ZNF254: variants seen among roughly 807,000 people sequenced by gnomAD.
The protein encoded by ZNF254 is zinc finger protein 254.
A neutral mutation model predicts 12.4 loss-of-function variants in ZNF254; 10 were observed. The observed-to-expected ratio is 0.80, with a 90% CI of 0.50 to 1.36. ZNF254 has a LOEUF of 1.36. ZNF254 is among the 40% of genes most tolerant of loss of function. The pLI is 0.00. For synonymous variants in ZNF254, 305 were observed against 253.4 expected, an observed-to-expected ratio of 1.20 and a Z score of -1.93; for missense variants, 996 against 763.9, an observed-to-expected ratio of 1.30 and a Z score of -3.58.
chr19:24,104,522 A>G (rs570727118), intron 1 of ZNF254: 10 of 152,108 alleles, frequency 6.6e-5, no homozygotes, highest in African/African-American at 2.4e-4. Flanking sequence ...GTACTTGCAA[A>G]TCTTCACTTC....
chr19:24,116,560 C>T (rs1232554773), intron 3 of ZNF254, among the ~76,000 whole-genome samples: 6 of 152,040 alleles, frequency 3.9e-5, no homozygotes, highest in Non-Finnish European at 7.4e-5. Context: ...CTCCTTTAAG[C>T]ACTTCTCTAT....
At chr19:24,048,587 A>G (rs935659335) in intron 2 of ZNF254, among the ~76,000 whole-genome samples, 5 of 152,134 alleles carry the variant, frequency 3.3e-5, no homozygotes, top group African/African-American at 1.2e-4. Context: ...TTGGCCTCCC[A>G]AATAGCTGGG....
chr19:24,036,772 G>A (rs1969982250), intron 1 of ZNF254, among the ~76,000 whole-genome samples: 1 of 152,174 alleles, frequency 6.6e-6, no homozygotes, highest in Non-Finnish European at 1.5e-5. Context: ...AAAGGGGACT[G>A]AGGGCTTGGA....
chr19:24,097,211 A>G (rs1269098629), intron 1 of ZNF254, among the ~76,000 whole-genome samples: 1 of 152,174 alleles, frequency 6.6e-6, no homozygotes, highest in Non-Finnish European at 1.5e-5. Context: ...TATTCTTATG[A>G]TAGTCTTTTA....
intron 1 of ZNF254, among the ~76,000 whole-genome samples, chr19:24,094,384 C>T (rs1227888676): frequency 6.6e-6 from 1 of 152,030 alleles, no homozygotes; most frequent in Non-Finnish European, 1.5e-5. Flanking sequence ...CCTCAGCCTC[C>T]TGAGTAGCTG....
rs999303566 is a variant in ZNF254, at chr19:24,129,569, A to G, written c.*1589A>G. On this transcript the variant is annotated 3_prime_UTR_variant, in exon 4 of 4. Coordinates refer to ENST00000357002, the MANE Select transcript of ZNF254 (RefSeq NM_203282.4). ...TTCACATTTAAATTTATTTTTCTTAATTTTTGTGGATACATAATATGTGTA... is the reference window on the plus strand; with the variant it reads ...TTCACATTTAAATTTATTTTTCTTAGTTTTTGTGGATACATAATATGTGTA... 3 of 151,856 alleles carry G rather than the reference A, an allele frequency of 2.0e-5. No homozygotes were observed. The highest frequency in any genetic ancestry group is 7.2e-5 in the African/African-American group (3 of 41,402). The allele number at this position is 151,856 out of a possible 1,614,324, so 9.4% of individuals were successfully genotyped here.
chr19:24,088,024 T>C (rs1300417681), intron 1 of ZNF254, among the ~76,000 whole-genome samples: 3 of 149,450 alleles, frequency 2.0e-5, no homozygotes, highest in Non-Finnish European at 4.5e-5. Context: ...CAAGCGATTC[T>C]CCTGCCTCAG....
At chr19:24,063,646 G>C (rs1971160058) in intron 2 of ZNF254, among the ~76,000 whole-genome samples, 2 of 152,174 alleles carry the variant, frequency 1.3e-5, no homozygotes, top group Admixed American at 1.3e-4. Context: ...TACTTTTCCT[G>C]CCTGTCCCTA....
At chr19:24,045,776 TCA>T (rs1053317369) in intron 1 of ZNF254, among the ~76,000 whole-genome samples, 21 of 152,092 alleles carry the variant, frequency 1.4e-4, no homozygotes, top group African/African-American at 4.1e-4. Flanking sequence ...TGAATTAGTC[TCA>T]GAGTGTGGTG....
chr19:24,102,952 G>T (rs569377174), intron 1 of ZNF254, among the ~76,000 whole-genome samples: 1 of 152,164 alleles, frequency 6.6e-6, no homozygotes, highest in East Asian at 1.9e-4. Context: ...CTAAATCCTT[G>T]GATTTATTGG....
At chr19:24,081,479 T>TA (rs1415059178) in intron 2 of ZNF254, among the ~76,000 whole-genome samples, 2 of 152,146 alleles carry the variant, frequency 1.3e-5, no homozygotes, top group Non-Finnish European at 2.9e-5. Context: ...TGCTAATCAA[T>TA]AAAAAATAGT....
chr19:24,083,845 C>G (rs1006041201), upstream of ZNF254, among the ~76,000 whole-genome samples: 1 of 151,972 alleles, frequency 6.6e-6, no homozygotes, highest in Non-Finnish European at 1.5e-5. Context: ...AATGCATGTT[C>G]GCATGGTTTT....
At position 24,129,517 on chromosome 19, in the gene ZNF254, C is replaced by A. The variant is rs138623258; in HGVS notation, c.*1537C>A. 6.6e-6 allele frequency: 1 copy of A among 151,788 alleles called. No individual in the cohort carries two copies. The highest frequency in any genetic ancestry group is 2.4e-5 in the African/African-American group (1 of 41,460). 9.4% of individuals were successfully genotyped at this position (151,788 alleles called of 1,614,324 possible). On this transcript the variant is annotated 3_prime_UTR_variant, in exon 4 of 4. Coordinates refer to ENST00000357002, the MANE Select transcript of ZNF254 (RefSeq NM_203282.4). ...TGCCAATAAGTTAAAGAATATTGTTCCTATGGGTTAAATTTTTATTCTTAT... is the reference window on the plus strand; with the variant it reads ...TGCCAATAAGTTAAAGAATATTGTTACTATGGGTTAAATTTTTATTCTTAT...
chr19:24,105,883 T>A (rs1229428924), intron 1 of ZNF254, 57 bp from the exon 2 acceptor site: 9 of 1,551,456 alleles, frequency 5.8e-6, no homozygotes, highest in Non-Finnish European at 7.0e-6. Flanking sequence ...TTGAGTCAAA[T>A]GAAAAATTCT....
chr19:24,052,402 G>A (rs1568428150), intron 2 of ZNF254, among the ~76,000 whole-genome samples: 1 of 152,092 alleles, frequency 6.6e-6, no homozygotes, highest in African/African-American at 2.4e-5. Flanking sequence ...CCATGAAATC[G>A]GAGGCTTCTG....
chr19:24,100,799 C>G lies in ZNF254; in HGVS notation c.31-5141C>G, dbSNP rs529134515. On this transcript the variant is annotated intron_variant, in intron 1 of 3. Coordinates refer to ENST00000357002, the MANE Select transcript of ZNF254 (RefSeq NM_203282.4). ...AATACTTAAGCTTGGCCCAAATAAA[C>G]TGTCTACTTATATTCATGTTGTGTC... 1.4e-4 allele frequency among the ~76,000 whole-genome samples: 21 copies of G among 148,046 alleles called. No homozygotes were observed. The East Asian group carries it at 4.1e-3, about 29-fold the overall frequency.
At chr19:24,084,512 T>C (rs2145602780), upstream of ZNF254, among the ~76,000 whole-genome samples, 2 of 152,040 alleles carry the variant, frequency 1.3e-5, no homozygotes, top group East Asian at 1.9e-4. Flanking sequence ...AAAGAACTTA[T>C]CCATGTATCC....
upstream of ZNF254, among the ~76,000 whole-genome samples, chr19:24,086,174 T>C (rs964440360): frequency 1.3e-5 from 2 of 151,902 alleles, no homozygotes; most frequent in Admixed American, 6.6e-5. Context: ...GCCACTGTAC[T>C]CCAGCTTGGG....
intron 2 of ZNF254, among the ~76,000 whole-genome samples, chr19:24,076,955 A>G (rs538548838): frequency 6.6e-6 from 1 of 152,156 alleles, no homozygotes. Context: ...CTACATACCT[A>G]CCTCACAATT....
Sources: allele counts gnomAD v4.1 joint callset (sites outside exome capture counted in the v4.1 genomes callset), GRCh38; gene constraint gnomAD v4.1.1; transcripts MANE v1.5; gene names NCBI Gene and HGNC (gene_info 2026-07-23, HGNC 2026-07-21).